The following MAP7D2 variants were observed in gnomAD, a reference collection of about 807,000 sequenced individuals.
The protein encoded by MAP7D2 is MAP7 domain-containing protein 2.
MAP7D2 carries 33 observed loss-of-function variants against 63.5 expected under a neutral mutation model. That is an observed-to-expected ratio of 0.52 (90% CI 0.39 to 0.70). The LOEUF is 0.70. MAP7D2 is among the 30% of genes least tolerant of loss of function. MAP7D2 has a pLI of 0.00. For synonymous variants in MAP7D2, 224 were observed against 223.7 expected (o/e 1.00, Z -0.01); for missense variants, 626 against 604.0 (o/e 1.04, Z -0.38).
Position 20,042,605 on chromosome X carries a change from G to A in MAP7D2, c.904C>T (p.Arg302Ter), listed in dbSNP as rs1242055641. Reference sequence around the variant, plus strand: ...ACAACAGGAAGAGAAGTTGCTGTTCGTTGCCCCCGCTTCACCTTCTCCACC... The same window carrying A: ...ACAACAGGAAGAGAAGTTGCTGTTCATTGCCCCCGCTTCACCTTCTCCACC... Reference protein sequence around the residue: ...SLVEKVKRGQRTATSLPVVNF... With the variant: ...SLVEKVKRGQ Residue 302 changes from arginine (R) to a stop codon, truncating the protein, a stop_gained, in exon 8 of 17, where the codon CGA becomes TGA. Coordinates refer to ENST00000379643, the MANE Select transcript of MAP7D2 (RefSeq NM_001168465.2). LOFTEE classifies it high-confidence loss of function. The A allele has an allele frequency of 2.5e-6, 3 of 1,211,311 alleles. No homozygotes were observed. The highest frequency in any genetic ancestry group is 3.0e-5 in the East Asian group (1 of 33,841).
chrX:20,069,108 A>G (rs182968602), intron 1 of MAP7D2, among the ~76,000 whole-genome samples: 1 of 112,188 alleles, frequency 8.9e-6, no homozygotes, highest in Non-Finnish European at 1.9e-5. Flanking sequence ...TCAGTTCCAA[A>G]AGAAAGTCTT....
intron 8 of MAP7D2, among the ~76,000 whole-genome samples, chrX:20,028,542 C>CA (rs2073945370): frequency 8.9e-6 from 1 of 112,089 alleles, no homozygotes; most frequent in Admixed American, 9.4e-5. Flanking sequence ...ACTAACTGTA[C>CA]ACATTAGCTG....
intron 1 of MAP7D2, among the ~76,000 whole-genome samples, chrX:20,106,331 A>G (rs982119994): frequency 3.6e-5 from 4 of 111,923 alleles, no homozygotes; most frequent in African/African-American, 1.3e-4. Flanking sequence ...GGGGAAAGCA[A>G]AATCAGGATA....
intron 1 of MAP7D2, among the ~76,000 whole-genome samples, chrX:20,087,879 CTTTTTTTTTTT>C (rs539620594): frequency 3.8e-5 from 2 of 52,860 alleles, no homozygotes; most frequent in African/African-American, 8.7e-5. Context: ...AATTTCTTTT[CTTTTTTTTTTT>C]TTTTTTTTTT....
chrX:20,110,311 A>T (rs2066704809), intron 1 of MAP7D2, among the ~76,000 whole-genome samples: 1 of 109,400 alleles, frequency 9.1e-6, no homozygotes, highest in Non-Finnish European at 1.9e-5. Flanking sequence ...AACGTGGTGA[A>T]ACCCGATCTC....
intron 8 of MAP7D2, among the ~76,000 whole-genome samples, chrX:20,041,305 G>A (rs2064649138): frequency 9.0e-6 from 1 of 111,585 alleles, no homozygotes; most frequent in African/African-American, 3.3e-5. Context: ...CATAACCAAA[G>A]ATGGGCAATA....
intron 1 of MAP7D2, among the ~76,000 whole-genome samples, chrX:20,090,035 T>C (rs1409110766): frequency 8.9e-6 from 1 of 111,802 alleles, no homozygotes; most frequent in East Asian, 2.8e-4. Flanking sequence ...TTCTATGCTA[T>C]TTACAATGCT....
Position 20,056,663 on chromosome X carries a change from G to A in MAP7D2, c.484+17C>T, listed in dbSNP as rs1378525529. ...TCCCACCCAGGACCTGAAATACAGG[G>A]GCAACCCTACACTCACCATCATGTC... On this transcript the variant is annotated intron_variant, in intron 4 of 16. Transcript: ENST00000379643. The A allele has an allele frequency of 1.0e-5, 12 of 1,188,865 alleles. No individual in the cohort carries two copies. Among genetic ancestry groups the A allele is most frequent in the Non-Finnish European group, 1.4e-5 (12 of 875,495 alleles).
intron 1 of MAP7D2, among the ~76,000 whole-genome samples, chrX:20,095,391 T>C (rs959518723): frequency 9.0e-6 from 1 of 110,866 alleles, no homozygotes; most frequent in African/African-American, 3.3e-5. Flanking sequence ...ATTTAAAAAT[T>C]AGCTGAGTAT....
intron 15 of MAP7D2, 110 bp from the exon 16 acceptor site, chrX:20,011,162 A>G: frequency 2.5e-6 from 2 of 811,282 alleles, no homozygotes; most frequent in Non-Finnish European, 3.4e-6. Flanking sequence ...TCTAAAGAAG[A>G]AGGATTTAGA....
intron 4 of MAP7D2, among the ~76,000 whole-genome samples, chrX:20,054,449 T>C (rs1311332773): frequency 3.6e-5 from 4 of 111,720 alleles, no homozygotes; most frequent in Non-Finnish European, 7.5e-5. Flanking sequence ...CATTAAGATA[T>C]TATTTTATCT....
intron 8 of MAP7D2, among the ~76,000 whole-genome samples, chrX:20,027,423 T>C (rs2073888507): frequency 9.0e-6 from 1 of 111,715 alleles, no homozygotes; most frequent in Non-Finnish European, 1.9e-5. Context: ...TGCCCCGCCA[T>C]ACATATACGC....
intron 3 of MAP7D2, among the ~76,000 whole-genome samples, chrX:20,060,732 T>C (rs2065201512): frequency 9.1e-6 from 1 of 109,755 alleles, no homozygotes. Context: ...AGAGAATGAG[T>C]TTAAGGTCAG....
At chrX:20,049,308 G>A (rs1279003068) in intron 6 of MAP7D2, among the ~76,000 whole-genome samples, 1 of 97,792 alleles carries the variant, frequency 1.0e-5, no homozygotes, top group Admixed American at 1.2e-4. Context: ...GTCTCGCTGT[G>A]TCACCCAAGC....
intron 3 of MAP7D2, among the ~76,000 whole-genome samples, chrX:20,059,629 T>TGGAA (rs1173651597): frequency 0.012 from 532 of 45,948 alleles, 3 homozygotes; most frequent in Non-Finnish European, 0.016. Context: ...GAAGGAAGGG[T>TGGAA]GGAAGGAAGG....
In MAP7D2 at chrX:20,016,431, C is replaced by G; in HGVS notation, c.1413-106G>C. On this transcript the variant is annotated intron_variant, in intron 10 of 16. Transcript: ENST00000379643. ...ATAATGCTCCACATGGTAACACACACACATACCTTTCAACGAGCATTCATT... is the reference window on the plus strand; with the variant it reads ...ATAATGCTCCACATGGTAACACACAGACATACCTTTCAACGAGCATTCATT... The G allele has an allele frequency of 4.7e-6, 3 of 642,549 alleles. No homozygotes were observed. The South Asian group carries it at 7.9e-5, about 17-fold the overall frequency. The allele number at this position is 642,549 out of a possible 1,213,427, so 53.0% of individuals were successfully genotyped here.
At chrX:20,031,532 C>T (rs916482243) in intron 8 of MAP7D2, among the ~76,000 whole-genome samples, 4 of 109,815 alleles carry the variant, frequency 3.6e-5, no homozygotes, top group East Asian at 2.9e-4. Context: ...AAGGAGAGGG[C>T]GAGGCAGGCA....
intron 1 of MAP7D2, among the ~76,000 whole-genome samples, chrX:20,076,341 T>C (rs2065641532): frequency 8.9e-6 from 1 of 111,764 alleles, no homozygotes; most frequent in South Asian, 3.7e-4. Context: ...AGTCTAGAAC[T>C]AGGAATTAAG....
intron 3 of MAP7D2, among the ~76,000 whole-genome samples, chrX:20,060,538 G>A (rs1212110322): frequency 9.0e-6 from 1 of 111,236 alleles, no homozygotes; most frequent in African/African-American, 3.3e-5. Context: ...ACATGAAGTT[G>A]GCTTTTCCAA....
Sources: allele counts gnomAD v4.1 joint callset (sites outside exome capture counted in the v4.1 genomes callset), GRCh38; gene constraint gnomAD v4.1.1; transcripts MANE v1.5; gene names NCBI Gene and HGNC (gene_info 2026-07-23, HGNC 2026-07-21).